The following DLGAP2 variants were observed in gnomAD, a reference collection of about 807,000 sequenced individuals.
The protein encoded by DLGAP2 is disks large-associated protein 2.
A neutral mutation model predicts 100.3 loss-of-function variants in DLGAP2; 26 were observed. That is an observed-to-expected ratio of 0.26 (90% CI 0.19 to 0.36). The LOEUF (loss-of-function observed/expected upper bound fraction) is 0.36, where lower values mean the gene tolerates loss of function less well. DLGAP2 is among the 10% of genes least tolerant of loss of function. DLGAP2 has a pLI of 1.00. For synonymous variants in DLGAP2, 886 were observed against 630.1 expected (o/e 1.41, Z -6.08); for missense variants, 1,858 against 1,453.2 (o/e 1.28, Z -4.53).
In DLGAP2 at chr8:1,175,317, G is replaced by C. The variant is rs139254118; in HGVS notation, c.74-83534G>C. Among the ~76,000 whole-genome samples, 24 of 152,036 alleles carry C rather than the reference G, an allele frequency of 1.6e-4. No homozygotes were observed. In the East Asian group the frequency reaches 4.4e-3, roughly 28 times the overall value. On this transcript the variant is annotated intron_variant, in intron 2 of 14. Coordinates refer to ENST00000637795, the MANE Select transcript of DLGAP2 (RefSeq NM_001346810.2). ...TCATGGGGAAGATCAATACATGTAC[G>C]TGTGGGCTTAGTTTTCTGTGAATCT...
intron 3 of DLGAP2, among the ~76,000 whole-genome samples, chr8:1,389,439 G>T (rs925640885): frequency 6.6e-6 from 1 of 152,084 alleles, no homozygotes; most frequent in African/African-American, 2.4e-5. Flanking sequence ...AGTTGACAAG[G>T]GGCCCTGCTG....
chr8:1,532,650 T>G (rs1223152614), intron 4 of DLGAP2, among the ~76,000 whole-genome samples: 2 of 152,244 alleles, frequency 1.3e-5, no homozygotes, highest in Admixed American at 1.3e-4. Flanking sequence ...TAATTTTTAA[T>G]GTATGTATTT....
intron 3 of DLGAP2, among the ~76,000 whole-genome samples, chr8:1,438,556 A>T (rs924967841): frequency 6.6e-6 from 1 of 152,226 alleles, no homozygotes; most frequent in African/African-American, 2.4e-5. Flanking sequence ...TTTTCTTTTC[A>T]AAAGAATGGC....
At chr8:1,332,175 G>A (rs1028031063) in intron 3 of DLGAP2, among the ~76,000 whole-genome samples, 1 of 152,162 alleles carries the variant, frequency 6.6e-6, no homozygotes, top group African/African-American at 2.4e-5. Context: ...GTGTGCGAAT[G>A]TGAGCGTATT....
At chr8:791,834 C>G (rs529650714) in intron 1 of DLGAP2, among the ~76,000 whole-genome samples, 1 of 152,206 alleles carries the variant, frequency 6.6e-6, no homozygotes, top group Non-Finnish European at 1.5e-5. Flanking sequence ...CACGCACGCT[C>G]GCTCTCCTGT....
intron 2 of DLGAP2, among the ~76,000 whole-genome samples, chr8:1,022,682 C>G (rs1320570154): frequency 6.6e-6 from 1 of 151,562 alleles, no homozygotes; most frequent in Non-Finnish European, 1.5e-5. Flanking sequence ...GAGGTAGACG[C>G]TCCAAACAGC....
intron 2 of DLGAP2, among the ~76,000 whole-genome samples, chr8:1,044,806 G>T (rs991847875): frequency 2.6e-5 from 4 of 152,116 alleles, no homozygotes; most frequent in Admixed American, 6.5e-5. Context: ...CTTACCTCGG[G>T]TCACCTCTCG....
intron 3 of DLGAP2, among the ~76,000 whole-genome samples, chr8:1,468,991 G>A (rs761506377): frequency 1.3e-5 from 2 of 152,180 alleles, no homozygotes; most frequent in Non-Finnish European, 2.9e-5. Flanking sequence ...CTGAACTTGG[G>A]GCCACTGCAA....
intron 2 of DLGAP2, among the ~76,000 whole-genome samples, chr8:1,001,516 T>G (rs549741427): frequency 6.6e-6 from 1 of 152,316 alleles, no homozygotes; most frequent in South Asian, 2.1e-4. Context: ...TAAAACACTG[T>G]AATAATTAAA....
intron 3 of DLGAP2, among the ~76,000 whole-genome samples, chr8:1,463,209 A>C (rs530385678): frequency 6.6e-6 from 1 of 152,204 alleles, no homozygotes; most frequent in Non-Finnish European, 1.5e-5. Context: ...AGATCATGCC[A>C]TTGCACTCCA....
In DLGAP2 at chr8:1,432,412, A is replaced by G. The variant is rs140188139; in HGVS notation, c.107-68954A>G. On this transcript the variant is annotated intron_variant, in intron 3 of 14. Transcript: ENST00000637795. ...TGAAAGAAGTTAGAATCTGGGGATTAGCCCAACCAAGGAAGCCACAGTCCT... is the reference window on the plus strand; with the variant it reads ...TGAAAGAAGTTAGAATCTGGGGATTGGCCCAACCAAGGAAGCCACAGTCCT... Among the ~76,000 whole-genome samples the G allele has an allele frequency of 8.8e-3, 1,336 of 152,350 alleles. 6 individuals carry two copies. The highest frequency in any genetic ancestry group is 0.041 in the Middle Eastern group (12 of 294).
chr8:1,229,488 T>C (rs536946029), intron 2 of DLGAP2, among the ~76,000 whole-genome samples: 178 of 152,338 alleles, frequency 1.2e-3, no homozygotes, highest in African/African-American at 4.0e-3. Flanking sequence ...CTACTTCCTC[T>C]AGATTTTCTA....
rs79586991 is a variant in DLGAP2, at chr8:826,665, C to T, written c.19-81247C>T. Among the ~76,000 whole-genome samples, 1,139 of 152,186 alleles carry T rather than the reference C, an allele frequency of 7.5e-3. 10 individuals carry two copies. Among genetic ancestry groups the T allele is most frequent in the Non-Finnish European group, 0.012 (816 of 68,008 alleles). On this transcript the variant is annotated intron_variant, in intron 1 of 14. Transcript: ENST00000637795. ...GCAGCCTGGTGTCTCGAGGGTCCCG[C>T]GCCCCCTCTCGCAGCCTTCTCTGCC...
intron 2 of DLGAP2, among the ~76,000 whole-genome samples, chr8:1,007,235 C>T (rs990020104): frequency 8.5e-5 from 13 of 152,178 alleles, no homozygotes; most frequent in Non-Finnish European, 1.6e-4. Flanking sequence ...TACGGTCAGT[C>T]CCACACTCTT....
At chr8:1,244,765 A>G (rs1268914477) in intron 2 of DLGAP2, among the ~76,000 whole-genome samples, 1 of 152,280 alleles carries the variant, frequency 6.6e-6, no homozygotes, top group Non-Finnish European at 1.5e-5. Flanking sequence ...CAACAAAAGA[A>G]AAAAGTAAAC....
intron 3 of DLGAP2, among the ~76,000 whole-genome samples, chr8:1,422,462 A>G (rs1438887739): frequency 6.6e-6 from 1 of 152,020 alleles, no homozygotes; most frequent in Non-Finnish European, 1.5e-5. Context: ...AGAGCAAGTG[A>G]TGCCAGGGAA....
chr8:875,906 A>G lies in DLGAP2; in HGVS notation c.19-32006A>G, dbSNP rs114400313. On this transcript the variant is annotated intron_variant, in intron 1 of 14. Coordinates refer to ENST00000637795, the MANE Select transcript of DLGAP2 (RefSeq NM_001346810.2). The stretch of plus-strand genomic sequence containing the variant: ...AGTAATAAATAGAAGCATTACTTCT[A>G]TGTAGCTATACTATGTTTCCCCTCT... Among the ~76,000 whole-genome samples, 1,120 of 152,298 alleles carry G rather than the reference A, an allele frequency of 7.4e-3. 13 individuals are homozygous for G. Among genetic ancestry groups the G allele is most frequent in the African/African-American group, 0.026 (1,063 of 41,564 alleles).
rs147051775 is a variant in DLGAP2 at position 1,167,884 on chromosome 8, A to AT, written c.74-90958dup. Among the ~76,000 whole-genome samples, 578 of 151,304 alleles carry AT rather than the reference A, an allele frequency of 3.8e-3. 3 individuals are homozygous for AT. Among genetic ancestry groups the AT allele is most frequent in the African/African-American group, 0.012 (502 of 41,298 alleles). On this transcript the variant is annotated intron_variant, in intron 2 of 14. Coordinates refer to ENST00000637795, the MANE Select transcript of DLGAP2 (RefSeq NM_001346810.2). ...GTTAGCAAGTACTTAACCTGAGTCCATTTTTTTTTATTATACTTTAAGTTT... is the reference window on the plus strand; with the variant it reads ...GTTAGCAAGTACTTAACCTGAGTCCATTTTTTTTTTATTATACTTTAAGTTT...
intron 3 of DLGAP2, among the ~76,000 whole-genome samples, chr8:1,312,895 G>T (rs1275274515): frequency 2.0e-5 from 3 of 152,210 alleles, no homozygotes; most frequent in Non-Finnish European, 4.4e-5. Flanking sequence ...TCTGTGCAGG[G>T]AGCACCATGA....
Sources: gnomAD v4.1 joint callset for allele counts (sites outside exome capture counted in the v4.1 genomes callset) on GRCh38, gnomAD v4.1.1 for gene constraint, MANE v1.5 for transcripts, NCBI Gene and HGNC (gene_info 2026-07-23, HGNC 2026-07-21) for gene names.